The following BAD variants were observed in gnomAD, a reference collection of about 807,000 sequenced individuals.
BAD encodes BCL2 associated agonist of cell death.
Under a neutral mutation model 17.8 loss-of-function variants are expected in BAD, and 18 were observed. The ratio of observed to expected loss-of-function variants is 1.01; its 90% CI spans 0.70 to 1.50. The LOEUF is 1.50. Among genes scored for constraint, BAD ranks in the 40% most tolerant of loss-of-function variants. The pLI is 0.00. For missense variants in BAD, 294 were observed against 239.3 expected (o/e 1.23, Z -1.51); for synonymous variants, 112 against 91.5 (o/e 1.22, Z -1.28).
chr11:64,269,994 C>T lies in BAD; in HGVS notation c.*215G>A. 1.1e-6 allele frequency: 1 copy of T among 905,182 alleles called. No individual in the cohort carries two copies. The highest frequency in any genetic ancestry group is 2.6e-5 in the East Asian group (1 of 38,000). The allele number at this position is 905,182 out of a possible 1,614,324, so 56.1% of individuals were successfully genotyped here. A position where few individuals can be genotyped will look rare whatever the true frequency, so the allele number is the denominator to read the frequency against. On this transcript the variant is annotated 3_prime_UTR_variant, in exon 4 of 4. Coordinates refer to ENST00000309032, the MANE Select transcript of BAD (RefSeq NM_032989.3). ...TGAGGGCGGGGCCACGGAGCCACTT[C>T]CGGCGGCTGTGGGCGGAAAACCCAA...
At chr11:64,277,331 C>T (rs150917417) in intron 2 of BAD, among the ~76,000 whole-genome samples, 122 of 152,376 alleles carry the variant, frequency 8.0e-4, no homozygotes, top group African/African-American at 2.9e-3. Context: ...TCAGCCTTGA[C>T]TATAGCCTTC....
intron 2 of BAD, among the ~76,000 whole-genome samples, chr11:64,281,086 G>T (rs1015409649): frequency 2.0e-5 from 3 of 152,124 alleles, no homozygotes; most frequent in African/African-American, 4.8e-5. Context: ...TCCTGCCTCA[G>T]CCTCCAGAGT....
In BAD at chr11:64,270,246, C is replaced by G. The variant is rs772278538; in HGVS notation, c.470G>C (p.Arg157Pro). 1 of 1,611,790 alleles carries G rather than the reference C, an allele frequency of 6.2e-7. No homozygotes were observed. Among genetic ancestry groups the G allele is most frequent in the South Asian group, 1.1e-5 (1 of 90,838 alleles). The stretch of plus-strand genomic sequence containing the variant: ...GGCGGAGCTTCCCCTGCCCAAGTTC[C>G]GATCCCACCAGGACTGGAAGACTCG... ...WTRVFQSWWD[R>P]NLGRGSSAPS... Residue 157 changes from arginine (R) to proline (P), a missense_variant, in exon 4 of 4, where the codon CGG becomes CCG. Arg to Pro is a moderately radical substitution (Grantham distance 103, BLOSUM62 -2). Transcript: ENST00000309032.
At chr11:64,282,250 G>A (rs911298105) in intron 2 of BAD, among the ~76,000 whole-genome samples, 7 of 152,300 alleles carry the variant, frequency 4.6e-5, no homozygotes, top group Admixed American at 3.3e-4. Flanking sequence ...GTGGGGGGCA[G>A]AGAGCAGGGG....
chr11:64,279,599 C>G (rs995179623), intron 2 of BAD, among the ~76,000 whole-genome samples: 2 of 150,522 alleles, frequency 1.3e-5, no homozygotes, highest in South Asian at 2.1e-4. Flanking sequence ...ACCCCCGTCT[C>G]CACTAAAAAC....
At chr11:64,281,734 T>TC (rs1480425346) in intron 2 of BAD, among the ~76,000 whole-genome samples, 2 of 152,300 alleles carry the variant, frequency 1.3e-5, no homozygotes, top group African/African-American at 4.8e-5. Flanking sequence ...TCTTAACTCT[T>TC]TTTTTTGAGA....
intron 2 of BAD, among the ~76,000 whole-genome samples, chr11:64,279,762 CAAA>C (rs35718358): frequency 1.5e-4 from 16 of 103,718 alleles, no homozygotes; most frequent in Admixed American, 2.1e-4. Flanking sequence ...GACTCTATCT[CAAA>C]AAAAAAAAAA....
rs748302405 is a variant in BAD at position 64,270,245 on chromosome 11, C to G, written c.471G>C (p.Arg157=). Reference sequence around the variant, plus strand: ...GGGCGGAGCTTCCCCTGCCCAAGTTCCGATCCCACCAGGACTGGAAGACTC... The same window carrying G: ...GGGCGGAGCTTCCCCTGCCCAAGTTGCGATCCCACCAGGACTGGAAGACTC... The part of the protein sequence containing the change: ...WTRVFQSWWD[R]NLGRGSSAPS... Residue 157 remains arginine, a synonymous_variant, in exon 4 of 4, where the codon CGG becomes CGC. Coordinates refer to ENST00000309032, the MANE Select transcript of BAD (RefSeq NM_032989.3). The G allele has an allele frequency of 5.0e-6, 8 of 1,611,778 alleles. No individual in the cohort carries two copies. Among genetic ancestry groups the G allele is most frequent in the Non-Finnish European group, 6.8e-6 (8 of 1,178,478 alleles).
At chr11:64,284,673 C>T (rs1462571117), upstream of BAD, 2 of 1,535,288 alleles carry the variant, frequency 1.3e-6, no homozygotes, top group Non-Finnish European at 1.7e-6. Flanking sequence ...CCTGCCGCCT[C>T]CCTCCAGCAC....
chr11:64,282,881 G>GAAAA (rs541902877), intron 2 of BAD, among the ~76,000 whole-genome samples: 1 of 88,056 alleles, frequency 1.1e-5, no homozygotes, highest in Non-Finnish European at 2.3e-5. Flanking sequence ...TCCGTCTCAG[G>GAAAA]AAAAAAAAAA....
At chr11:64,271,950 C>T in intron 2 of BAD, 147 bp from the exon 3 acceptor site, 1 of 535,710 alleles carries the variant, frequency 1.9e-6, no homozygotes, top group Non-Finnish European at 2.9e-6. Flanking sequence ...AGCCCCAGTC[C>T]CTTGTATGTG....
At chr11:64,279,879 C>T (rs1434253285) in intron 2 of BAD, among the ~76,000 whole-genome samples, 3 of 151,928 alleles carry the variant, frequency 2.0e-5, no homozygotes, top group Non-Finnish European at 4.4e-5. Flanking sequence ...CTACCGGGTG[C>T]TCAAGCCAGA....
At chr11:64,280,135 G>A (rs1207030702) in intron 2 of BAD, among the ~76,000 whole-genome samples, 2 of 151,430 alleles carry the variant, frequency 1.3e-5, no homozygotes, top group Non-Finnish European at 2.9e-5. Context: ...GGCTAACATG[G>A]TGAAACCCCA....
rs911415367 is a variant in BAD, at chr11:64,269,852, T to C, written c.*357A>G. On this transcript the variant is annotated 3_prime_UTR_variant, in exon 4 of 4. Coordinates refer to ENST00000309032, the MANE Select transcript of BAD (RefSeq NM_032989.3). ...CTCGGCGGCACAGACGCGGGCTTTATTAACATTTGGTAGTGAGCACGGCCC... is the reference window on the plus strand; with the variant it reads ...CTCGGCGGCACAGACGCGGGCTTTACTAACATTTGGTAGTGAGCACGGCCC... 1.4e-6 allele frequency: 1 copy of C among 695,948 alleles called. No individual in the cohort carries two copies. The highest frequency in any genetic ancestry group is 1.8e-5 in the African/African-American group (1 of 57,042). 43.1% of individuals were successfully genotyped at this position (695,948 alleles called of 1,614,324 possible).
intron 1 of BAD, 48 bp from the exon 2 acceptor site, chr11:64,284,424 G>A (rs1423662154): frequency 6.2e-7 from 1 of 1,608,190 alleles, no homozygotes; most frequent in Non-Finnish European, 8.5e-7. Context: ...GGGGCCAACG[G>A]TGGCCCTGGA....
chr11:64,274,267 G>A (rs1362467529), intron 2 of BAD, among the ~76,000 whole-genome samples: 1 of 151,936 alleles, frequency 6.6e-6, no homozygotes, highest in Non-Finnish European at 1.5e-5. Context: ...TGGCGCCTTA[G>A]TTCCAGCTAC....
chr11:64,280,507 A>T (rs1365255251), intron 2 of BAD, among the ~76,000 whole-genome samples: 1 of 146,622 alleles, frequency 6.8e-6, no homozygotes, highest in Non-Finnish European at 1.5e-5. Flanking sequence ...ACCCACCACC[A>T]CGCCCGGCTA....
intron 2 of BAD, among the ~76,000 whole-genome samples, chr11:64,282,895 A>G (rs1440595475): frequency 1.3e-5 from 2 of 151,618 alleles, no homozygotes; most frequent in Admixed American, 6.6e-5. Context: ...AAAAAAAAAA[A>G]AAAAAGAAAA....
chr11:64,275,352 G>A lies in BAD; in HGVS notation c.188-3549C>T, dbSNP rs571593370. Among the ~76,000 whole-genome samples, 19 of 152,174 alleles carry A rather than the reference G, an allele frequency of 1.2e-4. 1 individual carries two copies. Among genetic ancestry groups the A allele is most frequent in the Non-Finnish European group, 2.5e-4 (17 of 68,030 alleles). On this transcript the variant is annotated intron_variant, in intron 2 of 3. Transcript: ENST00000309032. ...AGAGTAATTTCCAGTTCTGTGGTGCGGTGACTGTGGAGCAGGGGTCAGCTA... is the reference window on the plus strand; with the variant it reads ...AGAGTAATTTCCAGTTCTGTGGTGCAGTGACTGTGGAGCAGGGGTCAGCTA...
Sources: allele counts gnomAD v4.1 joint callset (sites outside exome capture counted in the v4.1 genomes callset), GRCh38; gene constraint gnomAD v4.1.1; transcripts MANE v1.5; gene names NCBI Gene and HGNC (gene_info 2026-07-23, HGNC 2026-07-21).